The following PLSCR2 variants were observed in gnomAD, a reference collection of about 807,000 sequenced individuals.
PLSCR2 encodes PL scramblase 2.
PLSCR2 carries 18 observed loss-of-function variants against 25.3 expected under a neutral mutation model. That is an observed-to-expected ratio of 0.71 (90% CI 0.49 to 1.06). The LOEUF (loss-of-function observed/expected upper bound fraction) is 1.06. Ranked by LOEUF, PLSCR2 falls within the 50% of genes least tolerant of loss-of-function variation. PLSCR2 has a pLI of 0.00. For missense variants in PLSCR2, 243 were observed against 269.5 expected (o/e 0.90, Z 0.69); for synonymous variants, 88 against 87.3 (o/e 1.01, Z -0.04).
chr3:146,488,965 C>T (rs1157096844), intron 1 of PLSCR2, among the ~76,000 whole-genome samples: 1 of 152,088 alleles, frequency 6.6e-6, no homozygotes, highest in African/African-American at 2.4e-5. Flanking sequence ...GGTATATATA[C>T]ACCATGGAAT....
chr3:146,472,936 G>C (rs962828865), intron 1 of PLSCR2, among the ~76,000 whole-genome samples: 7 of 152,148 alleles, frequency 4.6e-5, no homozygotes, highest in African/African-American at 1.7e-4. Context: ...TTCTTGCTGT[G>C]GCCTCACATG....
rs138416035 is a variant in PLSCR2, at chr3:146,466,786, T to C, written c.-292-6502A>G. 6.1e-4 allele frequency among the ~76,000 whole-genome samples: 93 copies of C among 152,352 alleles called. 3 individuals carry two copies. The East Asian group carries it at 0.016, about 26-fold the overall frequency. The stretch of plus-strand genomic sequence containing the variant: ...TAACTAGCTGAATTGAAATTATTCA[T>C]GATTCATGTCCATTGCATTCATGTT... On this transcript the variant is annotated intron_variant, in intron 1 of 8. Transcript: ENST00000336685.
At chr3:146,413,347 T>C (rs1481952736) in intron 2 of PLSCR2, among the ~76,000 whole-genome samples, 1 of 152,212 alleles carries the variant, frequency 6.6e-6, no homozygotes, top group Admixed American at 6.5e-5. Context: ...CATACCTTTT[T>C]ACTCTTTATA....
At chr3:146,442,196 AAATT>A (rs1335988457) in intron 6 of PLSCR2, among the ~76,000 whole-genome samples, 1 of 152,068 alleles carries the variant, frequency 6.6e-6, no homozygotes, top group East Asian at 1.9e-4. Flanking sequence ...CATGTACAAC[AAATT>A]AAGAAAACAA....
intron 1 of PLSCR2, among the ~76,000 whole-genome samples, chr3:146,485,653 A>C (rs1218557694): frequency 6.6e-6 from 1 of 152,170 alleles, no homozygotes; most frequent in Non-Finnish European, 1.5e-5. Context: ...AAACTCACTC[A>C]AAACCATACA....
rs575691760 is a variant in PLSCR2 at position 146,479,764 on chromosome 3, C to A, written c.-293+16131G>T. On this transcript the variant is annotated intron_variant, in intron 1 of 8. Transcript: ENST00000336685. ...ATAGACATCTACAGAACTCTCCACCCCAAATCAGTAGAATATACATTCTTC... is the reference window on the plus strand; with the variant it reads ...ATAGACATCTACAGAACTCTCCACCACAAATCAGTAGAATATACATTCTTC... Among the ~76,000 whole-genome samples, 18 of 152,318 alleles carry A rather than the reference C, an allele frequency of 1.2e-4. No individual in the cohort carries two copies. The South Asian group carries it at 3.7e-3, about 32-fold the overall frequency.
chr3:146,469,594 G>T, intron 1 of PLSCR2, 33 bp from the exon 1 acceptor site: 1 of 985,192 alleles, frequency 1.0e-6, no homozygotes, highest in Non-Finnish European at 1.2e-6. Flanking sequence ...CTGTTGCACA[G>T]CCCTCCCGGA....
At chr3:146,427,299 G>A (rs2039391058) in intron 2 of PLSCR2, among the ~76,000 whole-genome samples, 1 of 152,156 alleles carries the variant, frequency 6.6e-6, no homozygotes, top group Non-Finnish European at 1.5e-5. Flanking sequence ...AAGCCATGGT[G>A]CTAAAGAAAA....
intron 2 of PLSCR2, among the ~76,000 whole-genome samples, chr3:146,424,132 T>TAA (rs3048143): frequency 0.57 from 83,446 of 146,746 alleles, 23,792 homozygotes; most frequent in South Asian, 0.76. Flanking sequence ...TTAAAGTATT[T>TAA]AAAAAAAAAA....
intron 1 of PLSCR2, among the ~76,000 whole-genome samples, chr3:146,474,944 G>A (rs1370590060): frequency 6.6e-6 from 1 of 151,536 alleles, no homozygotes; most frequent in Admixed American, 6.6e-5. Context: ...ATTGATACTT[G>A]TGTATGCTTC....
intron 2 of PLSCR2, among the ~76,000 whole-genome samples, chr3:146,411,100 T>C (rs2108039495): frequency 6.6e-6 from 1 of 151,920 alleles, no homozygotes; most frequent in Non-Finnish European, 1.5e-5. Flanking sequence ...TCCCGGAGAT[T>C]CTCCAAGAAA....
intron 1 of PLSCR2, among the ~76,000 whole-genome samples, chr3:146,478,638 G>A (rs1356479252): frequency 6.6e-6 from 1 of 152,170 alleles, no homozygotes; most frequent in Non-Finnish European, 1.5e-5. Flanking sequence ...TGAAAGTGAC[G>A]AGGAGAATTG....
intron 1 of PLSCR2, among the ~76,000 whole-genome samples, chr3:146,492,671 C>T (rs866261553): frequency 6.6e-6 from 1 of 151,764 alleles, no homozygotes; most frequent in Admixed American, 6.6e-5. Flanking sequence ...GTTTATAGTG[C>T]CAAACAGGTA....
chr3:146,469,749 G>GT (rs2042036310), intron 1 of PLSCR2, 188 bp from the exon 1 acceptor site: 2 of 212,314 alleles, frequency 9.4e-6, no homozygotes, highest in African/African-American at 2.4e-5. Flanking sequence ...TGCTGCTGGA[G>GT]CGCGGCCGAG....
chr3:146,479,864 A>C (rs1025091789), intron 1 of PLSCR2, among the ~76,000 whole-genome samples: 2 of 152,224 alleles, frequency 1.3e-5, no homozygotes, highest in African/African-American at 4.8e-5. Flanking sequence ...AATGTAAAAG[A>C]AGAGAAATAA....
chr3:146,400,663 A>C (rs2038438488), intron 2 of PLSCR2, among the ~76,000 whole-genome samples: 1 of 151,580 alleles, frequency 6.6e-6, no homozygotes, highest in African/African-American at 2.4e-5. Context: ...GAAGTAAGAA[A>C]GCCAAAAAAG....
At chr3:146,482,649 AT>A (rs1160642548) in intron 1 of PLSCR2, among the ~76,000 whole-genome samples, 5 of 152,246 alleles carry the variant, frequency 3.3e-5, no homozygotes, top group Admixed American at 2.0e-4. Flanking sequence ...TAGTTCAAAC[AT>A]TGTGGAAAAC....
chr3:146,462,359 T>C (rs552795911), upstream of PLSCR2, among the ~76,000 whole-genome samples: 1 of 152,110 alleles, frequency 6.6e-6, no homozygotes, highest in East Asian at 1.9e-4. Context: ...CCCAAAGTCT[T>C]GGGATTACAG....
chr3:146,474,627 C>T (rs925749034), intron 1 of PLSCR2, among the ~76,000 whole-genome samples: 3 of 151,982 alleles, frequency 2.0e-5, no homozygotes, highest in Non-Finnish European at 2.9e-5. Flanking sequence ...TTGATCTTCT[C>T]GTGGAGTATC....
Sources: gnomAD v4.1 joint callset for allele counts (sites outside exome capture counted in the v4.1 genomes callset) on GRCh38, gnomAD v4.1.1 for gene constraint, MANE v1.5 for transcripts, NCBI Gene and HGNC (gene_info 2026-07-23, HGNC 2026-07-21) for gene names.